Variants in OSGEPL1 observed in about 807,000 individuals in gnomAD.
OSGEPL1 encodes the protein tRNA N6-adenosine threonylcarbamoyltransferase, mitochondrial.
In OSGEPL1, 26 loss-of-function variants were observed where a neutral mutation model predicts 37.2. That is an observed-to-expected ratio of 0.70 (90% CI 0.51 to 0.97). OSGEPL1 has a LOEUF of 0.97. Among genes scored for constraint, OSGEPL1 ranks in the 50% least tolerant of loss-of-function variants. The pLI, the probability that OSGEPL1 is intolerant of heterozygous loss-of-function variation, is 0.00. For synonymous variants in OSGEPL1, 140 were observed against 159.9 expected, an observed-to-expected ratio of 0.88 and a Z score of 0.94; for missense variants, 404 against 487.0, an observed-to-expected ratio of 0.83 and a Z score of 1.60.
At chr2:189,758,471 G>A (rs995883888) in intron 2 of OSGEPL1, among the ~76,000 whole-genome samples, 1 of 152,050 alleles carries the variant, frequency 6.6e-6, no homozygotes, top group Non-Finnish European at 1.5e-5. Context: ...TTTGCCTTCC[G>A]CCATGAGTAA....
Position 189,762,775 on chromosome 2 carries a change from C to G in OSGEPL1, c.-111G>C, listed in dbSNP as rs1362763630. The G allele has an allele frequency of 4.1e-6, 4 of 985,390 alleles. No individual in the cohort carries two copies. Among genetic ancestry groups the G allele is most frequent in the Non-Finnish European group, 4.8e-6 (4 of 830,038 alleles). The allele number at this position is 985,390 out of a possible 1,614,324, so 61.0% of individuals were successfully genotyped here. ...TATCGCTGCAGGAGAAAGCCCGAAC[C>G]TGGCGCCCGGAAGTGATGTCATCGG... On this transcript the variant is annotated 5_prime_UTR_variant, in exon 1 of 9. Transcript: ENST00000264151.
intron 2 of OSGEPL1, 37 bp downstream of exon 2, chr2:189,761,383 C>T (rs2047049498): frequency 1.9e-6 from 3 of 1,553,268 alleles, no homozygotes; most frequent in Admixed American, 2.2e-5. Context: ...TTACTTTTTC[C>T]AAAAAAGTGG....
intron 3 of OSGEPL1, 41 bp downstream of exon 3, chr2:189,755,132 C>G (rs1167908676): frequency 1.3e-6 from 2 of 1,582,368 alleles, no homozygotes; most frequent in Non-Finnish European, 1.7e-6. Context: ...TTGAAATGGA[C>G]AACATAACAA....
intron 8 of OSGEPL1, among the ~76,000 whole-genome samples, chr2:189,749,235 GA>G (rs1246930914): frequency 1.9e-5 from 2 of 105,176 alleles, no homozygotes; most frequent in Non-Finnish European, 3.6e-5. Context: ...AACAGAGCGA[GA>G]CTCTGTCTAA....
intron 7 of OSGEPL1, among the ~76,000 whole-genome samples, chr2:189,751,641 C>T (rs1174232089): frequency 6.6e-6 from 1 of 151,154 alleles, no homozygotes; most frequent in African/African-American, 2.4e-5. Flanking sequence ...GACGGGGTTT[C>T]ACCATGTTGG....
At chr2:189,761,930 A>G (rs1182062643) in intron 1 of OSGEPL1, among the ~76,000 whole-genome samples, 1 of 152,212 alleles carries the variant, frequency 6.6e-6, no homozygotes, top group Non-Finnish European at 1.5e-5. Context: ...CAGCTAATAT[A>G]AAGTACAATA....
At chr2:189,759,622 T>C (rs2046676379) in intron 2 of OSGEPL1, among the ~76,000 whole-genome samples, 1 of 152,214 alleles carries the variant, frequency 6.6e-6, no homozygotes, top group Non-Finnish European at 1.5e-5. Context: ...ACAGAGCCAA[T>C]ACCAAGTGCT....
Position 189,762,790 on chromosome 2 carries a change from G to T in OSGEPL1, c.-126C>A. 1.0e-6 allele frequency: 1 copy of T among 985,506 alleles called. No individual in the cohort carries two copies. The allele number at this position is 985,506 out of a possible 1,614,324, so 61.0% of individuals were successfully genotyped here. A position where few individuals can be genotyped will look rare whatever the true frequency, so the allele number is the denominator to read the frequency against. ...AAGCCCGAACCTGGCGCCCGGAAGTGATGTCATCGGAACTGTGCAAGGTCC... is the reference window on the plus strand; with the variant it reads ...AAGCCCGAACCTGGCGCCCGGAAGTTATGTCATCGGAACTGTGCAAGGTCC... On this transcript the variant is annotated 5_prime_UTR_variant, in exon 1 of 9. Coordinates refer to ENST00000264151, the MANE Select transcript of OSGEPL1 (RefSeq NM_022353.3).
At chr2:189,760,549 T>C (rs754647749) in intron 2 of OSGEPL1, among the ~76,000 whole-genome samples, 1 of 152,190 alleles carries the variant, frequency 6.6e-6, no homozygotes, top group Non-Finnish European at 1.5e-5. Context: ...TCCCTGCACT[T>C]TGGGAGGCCG....
At chr2:189,758,399 G>A (rs1328284482) in intron 2 of OSGEPL1, among the ~76,000 whole-genome samples, 1 of 151,628 alleles carries the variant, frequency 6.6e-6, no homozygotes, top group African/African-American at 2.4e-5. Context: ...AAAAAAAAGT[G>A]TGTAGCACCT....
intron 3 of OSGEPL1, 87 bp from the exon 4 acceptor site, chr2:189,754,432 C>A: frequency 2.4e-6 from 3 of 1,269,230 alleles, no homozygotes; most frequent in African/African-American, 1.5e-5. Flanking sequence ...AAATTACTAA[C>A]AAAACAAAAA....
chr2:189,751,699 C>T (rs1267077322), intron 7 of OSGEPL1, among the ~76,000 whole-genome samples: 3 of 151,638 alleles, frequency 2.0e-5, no homozygotes, highest in Non-Finnish European at 2.9e-5. Flanking sequence ...CCCACCTCAG[C>T]CTCCCAAAGT....
chr2:189,748,723 CA>C (rs2044577876), intron 8 of OSGEPL1, among the ~76,000 whole-genome samples: 1 of 152,130 alleles, frequency 6.6e-6, no homozygotes, highest in Non-Finnish European at 1.5e-5. Context: ...GAATTTATAA[CA>C]ATGGAAATAT....
chr2:189,761,701 A>T, intron 1 of OSGEPL1, 41 bp from the exon 2 acceptor site: 1 of 1,447,052 alleles, frequency 6.9e-7, no homozygotes. Context: ...TTTGCAACTG[A>T]CATTAGCCAG....
chr2:189,760,014 C>T (rs1209667346), intron 2 of OSGEPL1, among the ~76,000 whole-genome samples: 1 of 152,102 alleles, frequency 6.6e-6, no homozygotes, highest in Non-Finnish European at 1.5e-5. Flanking sequence ...TCTTGCACCG[C>T]CCTTAATCCA....
At position 189,755,568 on chromosome 2, in the gene OSGEPL1, A is replaced by G; in HGVS notation, c.222-8T>C. 6.3e-7 allele frequency: 1 copy of G among 1,575,646 alleles called. No individual in the cohort carries two copies. The highest frequency in any genetic ancestry group is 2.2e-5 in the East Asian group (1 of 44,556). On this transcript the variant is annotated splice_region_variant and splice_polypyrimidine_tract_variant and intron_variant, in intron 2 of 8. Coordinates refer to ENST00000264151, the MANE Select transcript of OSGEPL1 (RefSeq NM_022353.3). ...GGAACAATCCCACCTGTTCTGAAAG[A>G]AAGAAAGACAGCATTTTGTAGTTTT...
intron 3 of OSGEPL1, 146 bp downstream of exon 3, chr2:189,755,027 A>AT (rs1039269712): frequency 6.5e-6 from 6 of 919,732 alleles, no homozygotes; most frequent in Non-Finnish European, 9.5e-6. Context: ...TACTCTTTCT[A>AT]TTTTTTCTCA....
chr2:189,756,409 C>G (rs114730418), intron 2 of OSGEPL1, among the ~76,000 whole-genome samples: 1 of 150,588 alleles, frequency 6.6e-6, no homozygotes, highest in Non-Finnish European at 1.5e-5. Flanking sequence ...CTGCTAGTTT[C>G]AAAAAAAAAT....
Position 189,755,502 on chromosome 2 carries a change from T to C in OSGEPL1, c.280A>G (p.Ile94Val), listed in dbSNP as rs773068198. 1 of 1,602,698 alleles carries C rather than the reference T, an allele frequency of 6.2e-7. No individual in the cohort carries two copies. The stretch of plus-strand genomic sequence containing the variant: ...CTGGCAGAAAGAGCTTCTTGTACTA[T>C]TCGTTGAATATTTTCTCTGTGAAGC... ...QQLHRENIQR[I>V]VQEALSASGV... is the part of the protein sequence containing the mutation. Residue 94 changes from isoleucine to valine, a missense_variant, in exon 3 of 9, where the codon ATA (isoleucine) becomes GTA (valine). Ile to Val is a conservative substitution (Grantham distance 29). Coordinates refer to ENST00000264151, the MANE Select transcript of OSGEPL1 (RefSeq NM_022353.3).
Sources: allele counts gnomAD v4.1 joint callset (sites outside exome capture counted in the v4.1 genomes callset), GRCh38; gene constraint gnomAD v4.1.1; transcripts MANE v1.5; gene names NCBI Gene and HGNC (gene_info 2026-07-23, HGNC 2026-07-21).